Variants in CNTNAP5 observed in about 807,000 individuals in gnomAD.
CNTNAP5 encodes contactin-associated protein-like 5.
In CNTNAP5, 72 loss-of-function variants were observed where a neutral mutation model predicts 150.2. The observed-to-expected ratio is 0.48, with a 90% CI of 0.40 to 0.58. The LOEUF (loss-of-function observed/expected upper bound fraction) is 0.58. CNTNAP5 is among the 20% of genes least tolerant of loss of function. CNTNAP5 has a pLI of 0.00. For missense variants in CNTNAP5, 1,636 were observed against 1,626.2 expected (o/e 1.01, Z -0.10); for synonymous variants, 672 against 619.8 (o/e 1.08, Z -1.25).
At chr2:124,554,422 C>CTTTTTTTTTTT (rs5834078) in intron 10 of CNTNAP5, among the ~76,000 whole-genome samples, 1 of 137,132 alleles carries the variant, frequency 7.3e-6, no homozygotes, top group Non-Finnish European at 1.5e-5. Context: ...ATACTTTTTT[C>CTTTTTTTTTTT]TTTTTTTTTT....
intron 3 of CNTNAP5, among the ~76,000 whole-genome samples, chr2:124,335,749 T>C (rs1689452098): frequency 6.6e-6 from 1 of 151,922 alleles, no homozygotes; most frequent in South Asian, 2.1e-4. Context: ...GTCTCTTACC[T>C]TTTTGCCAGC....
At position 124,408,620 on chromosome 2, in the gene CNTNAP5, G is replaced by C. The variant is rs544941242; in HGVS notation, c.382-8823G>C. 1.1e-4 allele frequency among the ~76,000 whole-genome samples: 17 copies of C among 151,938 alleles called. 1 individual carries two copies. The South Asian group carries it at 3.5e-3, about 32-fold the overall frequency. On this transcript the variant is annotated intron_variant, in intron 3 of 23. Transcript: ENST00000682447. Reference sequence around the variant, plus strand: ...AACTGGGAGGCACCCCCCAGCAGGGGGGCACACTGACACCTCACAAGGCAG... The same window carrying C: ...AACTGGGAGGCACCCCCCAGCAGGGCGGCACACTGACACCTCACAAGGCAG...
chr2:124,059,326 T>A (rs186289156), intron 1 of CNTNAP5, among the ~76,000 whole-genome samples: 1 of 152,356 alleles, frequency 6.6e-6, no homozygotes. Flanking sequence ...ATCACATTTC[T>A]GTGAACATCG....
chr2:124,474,247 G>T (rs545401331), intron 6 of CNTNAP5, among the ~76,000 whole-genome samples: 57 of 152,024 alleles, frequency 3.7e-4, no homozygotes, highest in Non-Finnish European at 7.4e-4. Context: ...AGAACATTTG[G>T]AATATTTCCT....
intron 1 of CNTNAP5, among the ~76,000 whole-genome samples, chr2:124,027,699 G>A (rs890695035): frequency 6.6e-6 from 1 of 152,194 alleles, no homozygotes; most frequent in Admixed American, 6.5e-5. Context: ...ATGAGCTTTA[G>A]TATTTTATCA....
intron 1 of CNTNAP5, among the ~76,000 whole-genome samples, chr2:124,084,597 A>G (rs1432798130): frequency 6.6e-6 from 1 of 152,004 alleles, no homozygotes; most frequent in Non-Finnish European, 1.5e-5. Context: ...TGCATTGGCT[A>G]TACATACATG....
In CNTNAP5 at chr2:124,683,472, A is replaced by G. The variant is rs572617443; in HGVS notation, c.2077+35514A>G. Among the ~76,000 whole-genome samples the G allele has an allele frequency of 6.0e-4, 92 of 152,122 alleles. 1 individual carries two copies. Among genetic ancestry groups the G allele is most frequent in the Middle Eastern group, 6.8e-3 (2 of 294 alleles). ...TTTTGGTGGTTATTTATGAGATTTT[A>G]TGGCACCCATCACCCAAGCAGTGTA... On this transcript the variant is annotated intron_variant, in intron 13 of 23. Coordinates refer to ENST00000682447, the MANE Select transcript of CNTNAP5 (RefSeq NM_001367498.1).
chr2:124,336,684 T>C (rs1446291820), intron 3 of CNTNAP5, among the ~76,000 whole-genome samples: 1 of 151,902 alleles, frequency 6.6e-6, no homozygotes, highest in African/African-American at 2.4e-5. Flanking sequence ...TTCATCCATG[T>C]CCCTGCAAAG....
chr2:124,410,692 A>G (rs150579982), intron 3 of CNTNAP5, among the ~76,000 whole-genome samples: 1,614 of 151,848 alleles, frequency 0.011, 24 homozygotes, highest in African/African-American at 0.036. Flanking sequence ...GAGAACAAAG[A>G]CACAACATAC....
chr2:124,817,256 G>A (rs1369698937), intron 19 of CNTNAP5, among the ~76,000 whole-genome samples: 1 of 152,178 alleles, frequency 6.6e-6, no homozygotes, highest in East Asian at 1.9e-4. Context: ...TGGAGGTAGG[G>A]AGAATGAGGG....
intron 19 of CNTNAP5, among the ~76,000 whole-genome samples, chr2:124,847,397 G>A (rs1253246860): frequency 6.6e-6 from 1 of 152,160 alleles, no homozygotes; most frequent in Non-Finnish European, 1.5e-5. Flanking sequence ...GTGGGGGAAA[G>A]CAGGCAGTCA....
intron 13 of CNTNAP5, among the ~76,000 whole-genome samples, chr2:124,706,603 G>A (rs567355912): frequency 6.5e-4 from 98 of 151,592 alleles, no homozygotes; most frequent in Non-Finnish European, 4.4e-4. Flanking sequence ...AAAAATTAGC[G>A]GCTCATGGTG....
chr2:124,190,948 C>T (rs1291287069), intron 1 of CNTNAP5, among the ~76,000 whole-genome samples: 1 of 152,184 alleles, frequency 6.6e-6, no homozygotes, highest in Non-Finnish European at 1.5e-5. Context: ...GAGGATACCA[C>T]TCCATGTGTC....
intron 1 of CNTNAP5, among the ~76,000 whole-genome samples, chr2:124,044,231 C>G (rs1291321417): frequency 6.6e-6 from 1 of 152,092 alleles, no homozygotes; most frequent in African/African-American, 2.4e-5. Context: ...TGGCTCATGA[C>G]CCTATATGGT....
intron 11 of CNTNAP5, among the ~76,000 whole-genome samples, chr2:124,608,905 C>T (rs1311590109): frequency 2.0e-5 from 3 of 150,358 alleles, no homozygotes; most frequent in Non-Finnish European, 2.9e-5. Flanking sequence ...GATCAAGCCA[C>T]GGCACTCCAG....
intron 3 of CNTNAP5, among the ~76,000 whole-genome samples, chr2:124,349,214 G>A (rs148581075): frequency 2.3e-4 from 35 of 152,222 alleles, no homozygotes; most frequent in Admixed American, 4.6e-4. Flanking sequence ...CCTACTACAC[G>A]CCTAGGCTGT....
intron 13 of CNTNAP5, among the ~76,000 whole-genome samples, chr2:124,663,934 C>G (rs1278383915): frequency 6.6e-6 from 1 of 152,146 alleles, no homozygotes; most frequent in Non-Finnish European, 1.5e-5. Context: ...GGGATGAATT[C>G]TTTGGTGGTA....
intron 19 of CNTNAP5, among the ~76,000 whole-genome samples, chr2:124,830,167 CTT>C (rs1682683863): frequency 6.6e-6 from 1 of 151,724 alleles, no homozygotes; most frequent in Admixed American, 6.6e-5. Flanking sequence ...ATCAAAAAGA[CTT>C]AATTTAGAAT....
chr2:124,551,708 A>G (rs1695631620), intron 10 of CNTNAP5, among the ~76,000 whole-genome samples: 1 of 152,224 alleles, frequency 6.6e-6, no homozygotes, highest in South Asian at 2.1e-4. Context: ...GAGCATAAAT[A>G]CATTCAGATT....
Sources: allele counts gnomAD v4.1 joint callset (sites outside exome capture counted in the v4.1 genomes callset), GRCh38; gene constraint gnomAD v4.1.1; transcripts MANE v1.5; gene names NCBI Gene and HGNC (gene_info 2026-07-23, HGNC 2026-07-21).